Variants in GRID2 observed in about 807,000 individuals in gnomAD.
GRID2 encodes glutamate ionotropic receptor delta type subunit 2, also known as glutamate receptor ionotropic, delta-2.
A neutral mutation model predicts 114.8 loss-of-function variants in GRID2; 33 were observed. That is an observed-to-expected ratio of 0.29 (90% CI 0.22 to 0.38). The LOEUF (loss-of-function observed/expected upper bound fraction) is 0.38. Ranked by LOEUF, GRID2 falls within the 10% of genes least tolerant of loss-of-function variation. The pLI, the probability that GRID2 is intolerant of heterozygous loss-of-function variation, is 1.00. For missense variants in GRID2, 1,184 were observed against 1,257.7 expected (o/e 0.94, Z 0.89); for synonymous variants, 505 against 449.9 (o/e 1.12, Z -1.55).
chr4:93,500,153 A>G (rs1727955556), intron 12 of GRID2, among the ~76,000 whole-genome samples: 1 of 152,032 alleles, frequency 6.6e-6, no homozygotes, highest in South Asian at 2.1e-4. Context: ...ACTGGATTCA[A>G]ACAAATCTGC....
chr4:92,526,758 G>T (rs948269342), intron 1 of GRID2, among the ~76,000 whole-genome samples: 3 of 151,462 alleles, frequency 2.0e-5, no homozygotes, highest in Admixed American at 2.0e-4. Flanking sequence ...ACAAACACAC[G>T]CACAGTCTTC....
intron 13 of GRID2, among the ~76,000 whole-genome samples, chr4:93,602,972 G>A (rs566499158): frequency 6.6e-6 from 1 of 152,364 alleles, no homozygotes; most frequent in East Asian, 1.9e-4. Context: ...CACTTTGGGA[G>A]GCCGAGGCGG....
chr4:93,292,819 T>C (rs1753888405), intron 8 of GRID2, among the ~76,000 whole-genome samples: 2 of 152,170 alleles, frequency 1.3e-5, no homozygotes, highest in African/African-American at 4.8e-5. Context: ...CTTTCCTCCT[T>C]AATATAGGTC....
At chr4:92,614,383 A>T (rs556455461) in intron 2 of GRID2, among the ~76,000 whole-genome samples, 1 of 151,756 alleles carries the variant, frequency 6.6e-6, no homozygotes, top group African/African-American at 2.4e-5. Flanking sequence ...TGCGGTTAAC[A>T]CTGCTTTACC....
At chr4:93,717,136 T>A (rs1034524277) in intron 14 of GRID2, among the ~76,000 whole-genome samples, 1 of 152,156 alleles carries the variant, frequency 6.6e-6, no homozygotes, top group Non-Finnish European at 1.5e-5. Flanking sequence ...AAAAGTCTAA[T>A]TAAAGTGGAA....
At chr4:92,898,580 G>A (rs1190315787) in intron 2 of GRID2, among the ~76,000 whole-genome samples, 2 of 152,064 alleles carry the variant, frequency 1.3e-5, no homozygotes, top group Non-Finnish European at 2.9e-5. Context: ...AGGGGAAAAG[G>A]GTCTTTTAAT....
intron 8 of GRID2, among the ~76,000 whole-genome samples, chr4:93,375,764 G>C (rs1049456989): frequency 6.6e-6 from 1 of 152,088 alleles, no homozygotes; most frequent in South Asian, 2.1e-4. Flanking sequence ...TGAAGAAAAG[G>C]TTTTTCTTTA....
chr4:93,358,400 T>C (rs1342433394), intron 8 of GRID2, among the ~76,000 whole-genome samples: 1 of 151,932 alleles, frequency 6.6e-6, no homozygotes, highest in African/African-American at 2.4e-5. Flanking sequence ...TGTTTTTAAG[T>C]ACTAATTGTT....
chr4:93,577,600 T>C (rs28414472), intron 13 of GRID2, among the ~76,000 whole-genome samples: 58 of 152,332 alleles, frequency 3.8e-4, no homozygotes, highest in African/African-American at 1.3e-3. Context: ...TATTTATTCA[T>C]GGAACAAATG....
At chr4:92,360,861 T>A (rs1440882652) in intron 1 of GRID2, among the ~76,000 whole-genome samples, 1 of 151,984 alleles carries the variant, frequency 6.6e-6, no homozygotes. Context: ...GTTTTCCCCC[T>A]TTTATATCAA....
chr4:93,027,924 A>G (rs1390312367), intron 2 of GRID2, among the ~76,000 whole-genome samples: 1 of 152,134 alleles, frequency 6.6e-6, no homozygotes, highest in Non-Finnish European at 1.5e-5. Flanking sequence ...TATTGATAAC[A>G]TTAAAATAGT....
intron 13 of GRID2, among the ~76,000 whole-genome samples, chr4:93,594,059 A>G (rs1244357932): frequency 1.3e-5 from 2 of 152,180 alleles, no homozygotes; most frequent in Admixed American, 6.5e-5. Context: ...TCAGCTCGTC[A>G]AAGTCGTTCT....
At chr4:92,712,386 G>C (rs1350404456) in intron 2 of GRID2, among the ~76,000 whole-genome samples, 1 of 151,994 alleles carries the variant, frequency 6.6e-6, no homozygotes, top group Admixed American at 6.6e-5. Flanking sequence ...CTGGGATGCT[G>C]TGTTGGTATT....
At chr4:93,738,194 G>C (rs1273749861) in intron 14 of GRID2, among the ~76,000 whole-genome samples, 1 of 152,152 alleles carries the variant, frequency 6.6e-6, no homozygotes, top group Non-Finnish European at 1.5e-5. Flanking sequence ...CTTTAGGTTA[G>C]TGTAATTAGA....
At chr4:92,526,967 A>C (rs1725074191) in intron 1 of GRID2, among the ~76,000 whole-genome samples, 1 of 151,962 alleles carries the variant, frequency 6.6e-6, no homozygotes, top group Admixed American at 6.6e-5. Flanking sequence ...TAGATATAAA[A>C]TGTTTTTATC....
chr4:93,745,195 C>A (rs552670531), intron 14 of GRID2, among the ~76,000 whole-genome samples: 75 of 152,036 alleles, frequency 4.9e-4, no homozygotes, highest in African/African-American at 1.5e-3. Flanking sequence ...TTTTTCATGA[C>A]CAACTGCTCG....
intron 1 of GRID2, among the ~76,000 whole-genome samples, chr4:92,415,299 A>T (rs1171317227): frequency 6.6e-6 from 1 of 152,080 alleles, no homozygotes; most frequent in African/African-American, 2.4e-5. Context: ...ACAAATATAG[A>T]TTTTTAAAAT....
intron 2 of GRID2, among the ~76,000 whole-genome samples, chr4:92,793,853 C>A (rs181256123): frequency 1.7e-3 from 265 of 151,850 alleles, no homozygotes; most frequent in African/African-American, 6.3e-3. Context: ...ATGTTGCAGA[C>A]AAGGTAAGAA....
At chr4:93,510,603 C>T (rs1398177406) in intron 12 of GRID2, among the ~76,000 whole-genome samples, 1 of 152,060 alleles carries the variant, frequency 6.6e-6, no homozygotes, top group Non-Finnish European at 1.5e-5. Flanking sequence ...ATCATAGAGT[C>T]ACACAATCTC....
Sources: allele counts gnomAD v4.1 joint callset (sites outside exome capture counted in the v4.1 genomes callset), GRCh38; gene constraint gnomAD v4.1.1; transcripts MANE v1.5; gene names NCBI Gene and HGNC (gene_info 2026-07-23, HGNC 2026-07-21).